The following SLC39A10 variants were observed in gnomAD, a reference collection of about 807,000 sequenced individuals.
SLC39A10 encodes solute carrier family 39 member 10.
SLC39A10 carries 13 observed loss-of-function variants against 65.1 expected under a neutral mutation model. The ratio of observed to expected loss-of-function variants is 0.20; its 90% CI spans 0.13 to 0.32. SLC39A10 has a LOEUF of 0.32. Ranked by LOEUF, SLC39A10 falls within the 10% of genes least tolerant of loss-of-function variation. The pLI is 1.00. For synonymous variants in SLC39A10, 321 were observed against 342.2 expected (o/e 0.94, Z 0.68); for missense variants, 831 against 1,018.4 (o/e 0.82, Z 2.50).
chr2:195,656,182 A>G (rs2105717986), upstream of SLC39A10, among the ~76,000 whole-genome samples: 1 of 152,318 alleles, frequency 6.6e-6, no homozygotes, highest in Middle Eastern at 3.4e-3. Flanking sequence ...TTCTGGTTGG[A>G]TATAGAAACA....
intron 3 of SLC39A10, among the ~76,000 whole-genome samples, chr2:195,704,334 T>C (rs1691314225): frequency 6.6e-6 from 1 of 152,230 alleles, no homozygotes; most frequent in South Asian, 2.1e-4. Context: ...GGGAAAGTTA[T>C]ATATTACTGT....
chr2:195,627,874 A>G (rs1431001164), intron 2 of SLC39A10, among the ~76,000 whole-genome samples: 1 of 152,214 alleles, frequency 6.6e-6, no homozygotes, highest in Admixed American at 6.5e-5. Context: ...GGGACTGTCT[A>G]CTGTGTGAAC....
At chr2:195,637,727 T>C (rs1688721267) in intron 2 of SLC39A10, among the ~76,000 whole-genome samples, 1 of 152,172 alleles carries the variant, frequency 6.6e-6, no homozygotes, top group African/African-American at 2.4e-5. Context: ...TTTGGACATG[T>C]TGAGTTTAAC....
intron 3 of SLC39A10, among the ~76,000 whole-genome samples, chr2:195,705,782 T>C (rs1409293605): frequency 6.6e-6 from 1 of 152,178 alleles, no homozygotes; most frequent in African/African-American, 2.4e-5. Flanking sequence ...AGGCCAATAA[T>C]AGAAATTGTA....
Position 195,629,392 on chromosome 2 carries a change from CAAAAAAA to C in SLC39A10, c.-12+23171_-12+23177del, listed in dbSNP as rs60548307. The stretch of plus-strand genomic sequence containing the variant: ...CTGGACGACAGAGCGAGATTCCTTT[CAAAAAAA>C]AAAAAAAAAAAGAGTTATCCTTGAC... On this transcript the variant is annotated intron_variant, in intron 2 of 2. Coordinates refer to the SLC39A10 transcript ENST00000458054. Among the ~76,000 whole-genome samples the C allele has an allele frequency of 0.034, 2,745 of 79,808 alleles. 226 individuals carry two copies. In the East Asian group the frequency reaches 0.35, roughly 10 times the overall value. 52.4% of individuals were successfully genotyped at this position (79,808 alleles called of 152,430 possible).
chr2:195,615,695 CAT>C (rs761571005), intron 2 of SLC39A10, among the ~76,000 whole-genome samples: 17 of 152,194 alleles, frequency 1.1e-4, no homozygotes, highest in African/African-American at 3.4e-4. Flanking sequence ...CCCCTAGAGA[CAT>C]GTGATTTTCT....
chr2:195,651,144 T>C (rs1302517423), intron 2 of SLC39A10, among the ~76,000 whole-genome samples: 1 of 151,928 alleles, frequency 6.6e-6, no homozygotes, highest in African/African-American at 2.4e-5. Context: ...AGAACTCCCA[T>C]GGACTTCTAA....
intron 2 of SLC39A10, among the ~76,000 whole-genome samples, chr2:195,619,497 G>A (rs1483038158): frequency 6.6e-6 from 1 of 152,188 alleles, no homozygotes; most frequent in Non-Finnish European, 1.5e-5. Flanking sequence ...TATTTGGAGT[G>A]CTTGCATTTG....
intron 2 of SLC39A10, among the ~76,000 whole-genome samples, chr2:195,625,722 G>C (rs894463236): frequency 2.0e-5 from 3 of 152,202 alleles, no homozygotes; most frequent in Non-Finnish European, 4.4e-5. Context: ...TTTAAGATAA[G>C]ATCTTTGTTC....
chr2:195,715,816 T>G (rs1329082613), intron 6 of SLC39A10, among the ~76,000 whole-genome samples: 5 of 152,224 alleles, frequency 3.3e-5, no homozygotes, highest in African/African-American at 9.6e-5. Flanking sequence ...CAATAAATGC[T>G]TTTTATGCAG....
rs1689300095 is a variant in SLC39A10 at position 195,659,500 on chromosome 2, G to T, written c.-12+2219G>T. Among the ~76,000 whole-genome samples, 4 of 152,266 alleles carry T rather than the reference G, an allele frequency of 2.6e-5. No individual in the cohort carries two copies. The South Asian group carries it at 8.3e-4, about 32-fold the overall frequency. On this transcript the variant is annotated intron_variant, in intron 1 of 9. Coordinates refer to ENST00000359634, the MANE Select transcript of SLC39A10 (RefSeq NM_020342.3). ...GTAGTATTATAGCAAGGAAAATTCAGCATCTGGGATGATCATTTCCTTCTG... is the reference window on the plus strand; with the variant it reads ...GTAGTATTATAGCAAGGAAAATTCATCATCTGGGATGATCATTTCCTTCTG...
intron 2 of SLC39A10, among the ~76,000 whole-genome samples, chr2:195,681,372 A>C (rs1690310455): frequency 6.6e-6 from 1 of 152,022 alleles, no homozygotes; most frequent in South Asian, 2.1e-4. Context: ...TAAAAATACA[A>C]AAAATTAGCG....
At chr2:195,715,525 C>CA (rs545656309) in intron 6 of SLC39A10, among the ~76,000 whole-genome samples, 1,931 of 59,786 alleles carry the variant, frequency 0.032, 40 homozygotes, top group East Asian at 0.094. Context: ...GACTCTGTCT[C>CA]AAAAAAAAAA....
chr2:195,618,768 TA>T (rs1688282661), intron 2 of SLC39A10, among the ~76,000 whole-genome samples: 1 of 151,900 alleles, frequency 6.6e-6, no homozygotes, highest in African/African-American at 2.4e-5. Context: ...TTTTTTAAGG[TA>T]AAAAATGGCA....
intron 3 of SLC39A10, among the ~76,000 whole-genome samples, chr2:195,693,902 A>G (rs147220452): frequency 6.6e-6 from 1 of 152,152 alleles, no homozygotes; most frequent in African/African-American, 2.4e-5. Context: ...TGGATTGTCT[A>G]TTTGTGCTCT....
At chr2:195,708,611 C>A in intron 4 of SLC39A10, 45 bp from the exon 5 acceptor site, 1 of 1,388,206 alleles carries the variant, frequency 7.2e-7, no homozygotes, top group Non-Finnish European at 9.7e-7. Flanking sequence ...TTTTAAATAG[C>A]ATTTCAATTA....
At chr2:195,634,716 G>T (rs529655713) in intron 2 of SLC39A10, among the ~76,000 whole-genome samples, 15 of 152,272 alleles carry the variant, frequency 9.9e-5, no homozygotes, top group Admixed American at 6.5e-4. Context: ...GAATTCTAGC[G>T]ATAGGACAGT....
intron 2 of SLC39A10, among the ~76,000 whole-genome samples, chr2:195,620,570 A>G (rs1223528364): frequency 2.0e-5 from 3 of 152,088 alleles, no homozygotes; most frequent in Non-Finnish European, 4.4e-5. Flanking sequence ...CTGGAGAACT[A>G]CATAGGAAAT....
At chr2:195,623,865 T>TA (rs1386962500) in intron 2 of SLC39A10, among the ~76,000 whole-genome samples, 1 of 145,990 alleles carries the variant, frequency 6.8e-6, no homozygotes, top group East Asian at 2.0e-4. Context: ...GGTCATTTAT[T>TA]AAAAAAAATA....
Sources: allele counts gnomAD v4.1 joint callset (sites outside exome capture counted in the v4.1 genomes callset), GRCh38; gene constraint gnomAD v4.1.1; transcripts MANE v1.5; gene names NCBI Gene and HGNC (gene_info 2026-07-23, HGNC 2026-07-21).